SMYD3: variants seen among roughly 807,000 people sequenced by gnomAD.
SMYD3 encodes the protein histone-lysine N-methyltransferase SMYD3.
Under a neutral mutation model 57.7 loss-of-function variants are expected in SMYD3, and 36 were observed. The ratio of observed to expected loss-of-function variants is 0.62; its 90% confidence interval spans 0.48 to 0.82. The LOEUF (loss-of-function observed/expected upper bound fraction) is 0.82. Ranked by LOEUF, SMYD3 falls within the 40% of genes least tolerant of loss-of-function variation. The pLI is 0.00. For synonymous variants in SMYD3, 211 were observed against 195.0 expected, an observed-to-expected ratio of 1.08 and a Z score of -0.68; for missense variants, 515 against 538.8, an observed-to-expected ratio of 0.96 and a Z score of 0.44.
intron 5 of SMYD3, among the ~76,000 whole-genome samples, chr1:245,967,060 C>A (rs1416598544): frequency 6.6e-6 from 1 of 152,152 alleles, no homozygotes; most frequent in Non-Finnish European, 1.5e-5. Context: ...GTTATAATGA[C>A]TTTTGATTCC....
At chr1:246,087,903 T>C (rs771048834) in intron 5 of SMYD3, among the ~76,000 whole-genome samples, 11 of 152,058 alleles carry the variant, frequency 7.2e-5, no homozygotes, top group Admixed American at 6.5e-5. Flanking sequence ...AGCAAGCAAA[T>C]CTTTATATGT....
chr1:246,205,560 G>A (rs144920003), intron 5 of SMYD3, among the ~76,000 whole-genome samples: 2,033 of 152,276 alleles, frequency 0.013, 58 homozygotes, highest in African/African-American at 0.046. Flanking sequence ...GGTGGCTCAC[G>A]CCTGGAATCC....
At chr1:246,251,500 T>C (rs2063799634) in intron 5 of SMYD3, among the ~76,000 whole-genome samples, 1 of 126,330 alleles carries the variant, frequency 7.9e-6, no homozygotes, top group African/African-American at 3.0e-5. Flanking sequence ...CCGGCTTTAG[T>C]AGGTGCCGCG....
intron 8 of SMYD3, among the ~76,000 whole-genome samples, chr1:245,895,585 G>A (rs980403586): frequency 3.9e-5 from 6 of 152,144 alleles, no homozygotes; most frequent in Admixed American, 3.9e-4. Context: ...AAACTTTCTT[G>A]GGCTGAGAAC....
chr1:246,322,099 C>T (rs2148652287), intron 5 of SMYD3, among the ~76,000 whole-genome samples: 1 of 152,256 alleles, frequency 6.6e-6, no homozygotes, highest in East Asian at 1.9e-4. Flanking sequence ...GGTGGGGTGG[C>T]TCACACCAGT....
intron 5 of SMYD3, among the ~76,000 whole-genome samples, chr1:246,319,032 C>T (rs1321932075): frequency 1.3e-5 from 2 of 152,162 alleles, no homozygotes; most frequent in Admixed American, 6.5e-5. Context: ...TCTTTGAAAG[C>T]CCAAGTGTCC....
chr1:246,342,421 C>G (rs767284982), intron 2 of SMYD3, among the ~76,000 whole-genome samples: 4 of 152,166 alleles, frequency 2.6e-5, no homozygotes, highest in Non-Finnish European at 4.4e-5. Context: ...AATGCCTCCT[C>G]CTTTATCCTT....
At chr1:246,158,420 A>G (rs2062057923) in intron 5 of SMYD3, among the ~76,000 whole-genome samples, 1 of 152,232 alleles carries the variant, frequency 6.6e-6, no homozygotes, top group Admixed American at 6.5e-5. Flanking sequence ...ATGCAGTTCT[A>G]TTTGAAAGTT....
chr1:246,119,133 G>C (rs542758575), intron 5 of SMYD3, among the ~76,000 whole-genome samples: 2 of 152,006 alleles, frequency 1.3e-5, no homozygotes, highest in African/African-American at 4.8e-5. Flanking sequence ...CCATCCTCTC[G>C]CCTCAGCTTT....
chr1:245,952,310 A>T lies in SMYD3; in HGVS notation c.532-22373T>A, dbSNP rs188205884. Among the ~76,000 whole-genome samples the T allele has an allele frequency of 1.8e-4, 28 of 152,330 alleles. 1 individual carries two copies. Among genetic ancestry groups the T allele is most frequent in the Admixed American group, 1.3e-3 (20 of 15,308 alleles). On this transcript the variant is annotated intron_variant, in intron 5 of 11. Coordinates refer to ENST00000490107, the MANE Select transcript of SMYD3 (RefSeq NM_001167740.2). ...ATGAAGCAAAATCAAACACCAGGAA[A>T]CAAGGCATGAAAAGAAAAGGATTAA...
intron 3 of SMYD3, among the ~76,000 whole-genome samples, chr1:246,332,983 A>G (rs564007047): frequency 6.6e-6 from 1 of 152,378 alleles, no homozygotes; most frequent in South Asian, 2.1e-4. Context: ...GATGTCACTT[A>G]GGACTTTCAT....
At chr1:246,255,479 C>T (rs970367918) in intron 5 of SMYD3, among the ~76,000 whole-genome samples, 4 of 151,906 alleles carry the variant, frequency 2.6e-5, no homozygotes, top group African/African-American at 9.7e-5. Flanking sequence ...GTGAATCACA[C>T]GTTTTGATTT....
At chr1:246,190,942 C>T (rs2062727914) in intron 5 of SMYD3, among the ~76,000 whole-genome samples, 1 of 152,196 alleles carries the variant, frequency 6.6e-6, no homozygotes, top group Admixed American at 6.5e-5. Context: ...CCTCACTATA[C>T]TAGCAAAGCT....
chr1:246,013,645 A>G (rs79837987), intron 5 of SMYD3, among the ~76,000 whole-genome samples: 7 of 152,150 alleles, frequency 4.6e-5, no homozygotes, highest in Non-Finnish European at 8.8e-5. Flanking sequence ...GATCAAACTG[A>G]CTGATGGGTA....
chr1:245,786,334 T>C (rs1455618376), intron 10 of SMYD3, among the ~76,000 whole-genome samples: 1 of 151,980 alleles, frequency 6.6e-6, no homozygotes, highest in Non-Finnish European at 1.5e-5. Context: ...AAGTATGGCA[T>C]CTTTATACAC....
intron 3 of SMYD3, among the ~76,000 whole-genome samples, chr1:246,334,660 G>A (rs1282122898): frequency 1.3e-5 from 2 of 152,136 alleles, no homozygotes; most frequent in Non-Finnish European, 2.9e-5. Context: ...CCAAACCTCA[G>A]CATCATGCAA....
intron 2 of SMYD3, 67 bp downstream of exon 2, chr1:246,354,964 T>C (rs1465550107): frequency 3.7e-5 from 53 of 1,413,486 alleles, no homozygotes; most frequent in Middle Eastern, 1.8e-4. Flanking sequence ...CCAACAGGTA[T>C]AGTGAAGGAC....
At chr1:246,117,126 C>T (rs2061353231) in intron 5 of SMYD3, among the ~76,000 whole-genome samples, 3 of 152,212 alleles carry the variant, frequency 2.0e-5, no homozygotes, top group African/African-American at 7.2e-5. Flanking sequence ...ATCCACTCTA[C>T]ACTTGCTTGT....
chr1:246,420,082 C>A (rs1280180324), intron 1 of SMYD3, among the ~76,000 whole-genome samples: 1 of 151,986 alleles, frequency 6.6e-6, no homozygotes, highest in Non-Finnish European at 1.5e-5. Context: ...GCCTGTAGTC[C>A]CAGCTACTCG....
Sources: allele counts gnomAD v4.1 joint callset (sites outside exome capture counted in the v4.1 genomes callset), GRCh38; gene constraint gnomAD v4.1.1; transcripts MANE v1.5; gene names NCBI Gene and HGNC (gene_info 2026-07-23, HGNC 2026-07-21).